Variants in CACNA1E observed in about 807,000 individuals in gnomAD.
CACNA1E encodes calcium voltage-gated channel subunit alpha1 E.
Under a neutral mutation model 259.2 loss-of-function variants are expected in CACNA1E, and 40 were observed. That is an observed-to-expected ratio of 0.15 (90% confidence interval 0.12 to 0.20). CACNA1E has a LOEUF of 0.20. CACNA1E is among the 10% of genes least tolerant of loss of function. CACNA1E has a pLI of 1.00. For missense variants in CACNA1E, 1,874 were observed against 3,040.1 expected (o/e 0.62, Z 9.02); for synonymous variants, 1,104 against 1,138.5 (o/e 0.97, Z 0.61).
At chr1:181,495,741 A>T (rs1664689849) in intron 1 of CACNA1E, among the ~76,000 whole-genome samples, 2 of 152,216 alleles carry the variant, frequency 1.3e-5, no homozygotes, top group Admixed American at 1.3e-4. Flanking sequence ...TGCCTGCCTT[A>T]TAAGACTGTT....
intron 3 of CACNA1E, among the ~76,000 whole-genome samples, chr1:181,540,650 A>G (rs1668510957): frequency 6.6e-6 from 1 of 152,216 alleles, no homozygotes; most frequent in Admixed American, 6.5e-5. Flanking sequence ...GGAAAGGAGC[A>G]TCGTGATCCC....
chr1:181,614,930 T>C (rs1655074477), intron 6 of CACNA1E, among the ~76,000 whole-genome samples: 1 of 152,226 alleles, frequency 6.6e-6, no homozygotes, highest in Non-Finnish European at 1.5e-5. Flanking sequence ...TGCATATAAG[T>C]GGACCCATGC....
intron 7 of CACNA1E, among the ~76,000 whole-genome samples, chr1:181,677,896 A>C (rs143298888): frequency 8.1e-4 from 123 of 152,334 alleles, no homozygotes; most frequent in African/African-American, 2.8e-3. Context: ...GTGGGATAAA[A>C]ACGATATTGA....
chr1:181,340,208 A>G (rs1378355405), intron 1 of CACNA1E, among the ~76,000 whole-genome samples: 1 of 151,968 alleles, frequency 6.6e-6, no homozygotes, highest in African/African-American at 2.4e-5. Flanking sequence ...CTATTTATTG[A>G]ATTATTCATC....
chr1:181,464,823 G>A (rs1004729577), intron 2 of CACNA1E, among the ~76,000 whole-genome samples: 4 of 151,918 alleles, frequency 2.6e-5, no homozygotes, highest in South Asian at 4.2e-4. Context: ...GACTTAGTCC[G>A]TGTTCCCTGT....
intron 2 of CACNA1E, among the ~76,000 whole-genome samples, chr1:181,429,235 C>T (rs964463482): frequency 1.3e-5 from 2 of 152,140 alleles, no homozygotes; most frequent in African/African-American, 4.8e-5. Context: ...TAGGAAGCTG[C>T]GTGACCTTGG....
At chr1:181,512,250 G>A (rs189171625) in intron 3 of CACNA1E, among the ~76,000 whole-genome samples, 9 of 152,302 alleles carry the variant, frequency 5.9e-5, no homozygotes, top group Non-Finnish European at 1.5e-5. Context: ...TGGTGTGACG[G>A]GCAGGCCTTC....
chr1:181,433,737 T>G, intron 2 of CACNA1E, among the ~76,000 whole-genome samples: 1 of 152,352 alleles, frequency 6.6e-6, no homozygotes, highest in African/African-American at 2.4e-5. Context: ...ATTCTATTTC[T>G]TTCACTTTTC....
At chr1:181,502,200 A>T (rs1665310068) in intron 1 of CACNA1E, among the ~76,000 whole-genome samples, 1 of 152,086 alleles carries the variant, frequency 6.6e-6, no homozygotes, top group Non-Finnish European at 1.5e-5. Flanking sequence ...TGCCCTTTGG[A>T]GGTGATGTGT....
intron 3 of CACNA1E, among the ~76,000 whole-genome samples, chr1:181,540,149 A>T (rs555979597): frequency 1.3e-5 from 2 of 152,142 alleles, no homozygotes; most frequent in Non-Finnish European, 2.9e-5. Context: ...AAATCCCCCG[A>T]TGTAAACGCA....
intron 6 of CACNA1E, among the ~76,000 whole-genome samples, chr1:181,638,506 C>T (rs58906014): frequency 0.018 from 2,795 of 152,162 alleles, 54 homozygotes; most frequent in African/African-American, 0.05. Context: ...GTGTGGATTC[C>T]GAATCTTCAC....
chr1:181,393,983 G>A (rs1395924112), intron 1 of CACNA1E, among the ~76,000 whole-genome samples: 1 of 152,198 alleles, frequency 6.6e-6, no homozygotes, highest in African/African-American at 2.4e-5. Context: ...TGAACCTGGG[G>A]ATAGGAAGAA....
intron 6 of CACNA1E, among the ~76,000 whole-genome samples, chr1:181,584,013 G>A (rs1651813006): frequency 6.6e-6 from 1 of 152,102 alleles, no homozygotes. Context: ...ATGTTACTGT[G>A]GCTCGCTAAC....
intron 46 of CACNA1E, among the ~76,000 whole-genome samples, chr1:181,796,271 T>C (rs1661797204): frequency 6.6e-6 from 1 of 152,206 alleles, no homozygotes; most frequent in Non-Finnish European, 1.5e-5. Flanking sequence ...TTCAGGCTGC[T>C]ACAACAAATT....
chr1:181,324,014 G>A (rs945951815), intron 1 of CACNA1E, among the ~76,000 whole-genome samples: 2 of 152,236 alleles, frequency 1.3e-5, no homozygotes, highest in African/African-American at 4.8e-5. Flanking sequence ...CCTTATGTGA[G>A]CTCAGTTCTG....
At chr1:181,425,531 T>TCCCCCCCCCCCC (rs1201398954) in intron 2 of CACNA1E, among the ~76,000 whole-genome samples, 2 of 57,724 alleles carry the variant, frequency 3.5e-5, no homozygotes, top group Non-Finnish European at 7.0e-5. Flanking sequence ...ACACCCCCGC[T>TCCCCCCCCCCCC]CCCCCCCCCG....
intron 1 of CACNA1E, among the ~76,000 whole-genome samples, chr1:181,348,410 A>G (rs1319795197): frequency 1.3e-5 from 2 of 151,914 alleles, no homozygotes; most frequent in Admixed American, 6.6e-5. Context: ...TGCATTCCCC[A>G]TTTCACAGTC....
chr1:181,357,388 G>A (rs1283929878), intron 1 of CACNA1E, among the ~76,000 whole-genome samples: 1 of 152,202 alleles, frequency 6.6e-6, no homozygotes, highest in Non-Finnish European at 1.5e-5. Flanking sequence ...ATCTCCATAT[G>A]AGAAAATGGA....
chr1:181,524,944 A>G (rs886921220), intron 3 of CACNA1E, among the ~76,000 whole-genome samples: 1 of 152,250 alleles, frequency 6.6e-6, no homozygotes, highest in Non-Finnish European at 1.5e-5. Flanking sequence ...TAGGAGATAT[A>G]TAATAAATGT....
Sources: gnomAD v4.1 joint callset for allele counts (sites outside exome capture counted in the v4.1 genomes callset) on GRCh38, gnomAD v4.1.1 for gene constraint, MANE v1.5 for transcripts, NCBI Gene and HGNC (gene_info 2026-07-23, HGNC 2026-07-21) for gene names.